KDM4B: variants seen among roughly 807,000 people sequenced by gnomAD.
KDM4B encodes the protein lysine demethylase 4B, also known as lysine-specific demethylase 4B.
KDM4B carries 32 observed loss-of-function variants against 125.2 expected under a neutral mutation model. That is an observed-to-expected ratio of 0.26 (90% CI 0.19 to 0.34). KDM4B has a LOEUF of 0.34. KDM4B is among the 10% of genes least tolerant of loss of function. The pLI is 1.00. For missense variants in KDM4B, 1,190 were observed against 1,577.7 expected, an observed-to-expected ratio of 0.75 and a Z score of 4.16; for synonymous variants, 721 against 677.9, an observed-to-expected ratio of 1.06 and a Z score of -0.99.
At chr19:5,017,105 A>G (rs1490885155) in intron 2 of KDM4B, among the ~76,000 whole-genome samples, 1 of 152,188 alleles carries the variant, frequency 6.6e-6, no homozygotes, top group Non-Finnish European at 1.5e-5. Flanking sequence ...TTCCCTGTGC[A>G]GAGGGAGGAA....
intron 18 of KDM4B, chr19:5,140,751 G>A (rs79659367): frequency 1.2e-5 from 1 of 86,302 alleles, no homozygotes; most frequent in African/African-American, 4.2e-5. Flanking sequence ...AAAAAGATGA[G>A]GAGAGCAAAA....
At chr19:5,057,641 G>A (rs764939415) in intron 6 of KDM4B, among the ~76,000 whole-genome samples, 3 of 152,152 alleles carry the variant, frequency 2.0e-5, no homozygotes, top group Admixed American at 6.5e-5. Context: ...CTGGCTCCAC[G>A]TCCTTGTTCA....
Position 5,052,294 on chromosome 19 carries a change from G to A in KDM4B, c.626+4625G>A, listed in dbSNP as rs185540077. Reference sequence around the variant, plus strand: ...TTCATGGGTGTCCCTGGAGGTGTGCGTGCATGTGTGTGTGTGCATGGGCGC... The same window carrying A: ...TTCATGGGTGTCCCTGGAGGTGTGCATGCATGTGTGTGTGTGCATGGGCGC... On this transcript the variant is annotated intron_variant, in intron 6 of 22. Transcript: ENST00000159111. Among the ~76,000 whole-genome samples the A allele has an allele frequency of 5.7e-3, 850 of 150,316 alleles. 4 individuals carry two copies. The highest frequency in any genetic ancestry group is 8.5e-3 in the Non-Finnish European group (577 of 67,726).
chr19:5,077,544 C>A, intron 8 of KDM4B, 74 bp downstream of exon 8: 1 of 1,246,894 alleles, frequency 8.0e-7, no homozygotes, highest in South Asian at 1.2e-5. Context: ...CCGCACATAC[C>A]CCAGGAGATA....
Position 5,107,343 on chromosome 19 carries a change from T to G in KDM4B, c.919-3279T>G, listed in dbSNP as rs77143779. Among the ~76,000 whole-genome samples the G allele has an allele frequency of 2.5e-4, 38 of 152,324 alleles. No individual in the cohort carries two copies. In the East Asian group the frequency reaches 7.0e-3, roughly 28 times the overall value. ...AGCCAGATTCCCCCGGATGGTGCCT[T>G]CCTTATCTGTCGCGAGTGCTGACAG... is the stretch of plus-strand genomic sequence containing the variant. On this transcript the variant is annotated intron_variant, in intron 9 of 22. Coordinates refer to ENST00000159111, the MANE Select transcript of KDM4B (RefSeq NM_015015.3).
At chr19:5,095,217 G>C (rs887718917) in intron 9 of KDM4B, among the ~76,000 whole-genome samples, 30 of 152,220 alleles carry the variant, frequency 2.0e-4, no homozygotes, top group Non-Finnish European at 3.5e-4. Context: ...GTTCCGCCCT[G>C]GTTCCTGGAT....
intron 9 of KDM4B, among the ~76,000 whole-genome samples, chr19:5,087,858 TG>T (rs1250487396): frequency 6.6e-6 from 1 of 152,194 alleles, no homozygotes; most frequent in Non-Finnish European, 1.5e-5. Context: ...ACCCTGGCTT[TG>T]GGGCTGGGAT....
chr19:5,080,256 G>A (rs2145862119), intron 8 of KDM4B, among the ~76,000 whole-genome samples: 1 of 152,356 alleles, frequency 6.6e-6, no homozygotes, highest in South Asian at 2.1e-4. Flanking sequence ...CGCCGTGGCT[G>A]GCTTCTGAAA....
chr19:4,974,868 G>T (rs762230369), intron 1 of KDM4B, among the ~76,000 whole-genome samples: 2 of 151,906 alleles, frequency 1.3e-5, no homozygotes, highest in African/African-American at 4.8e-5. Context: ...GCCCTTTCGC[G>T]TGGCCCCTTC....
intron 1 of KDM4B, among the ~76,000 whole-genome samples, chr19:5,007,366 ATCT>A (rs1245167575): frequency 1.3e-5 from 2 of 151,888 alleles, no homozygotes; most frequent in Non-Finnish European, 2.9e-5. Context: ...CTCTTTTTGT[ATCT>A]TCTTTGGAGA....
intron 1 of KDM4B, among the ~76,000 whole-genome samples, chr19:5,004,268 C>T (rs1004302418): frequency 7.2e-5 from 11 of 152,258 alleles, no homozygotes; most frequent in African/African-American, 2.2e-4. Context: ...TTCCACACGC[C>T]GGCCCCTGGC....
chr19:5,134,082 G>A (rs779313423), intron 14 of KDM4B, 21 bp downstream of exon 14: 6 of 1,570,900 alleles, frequency 3.8e-6, no homozygotes, highest in Non-Finnish European at 5.2e-6. Flanking sequence ...GGGCCTCACG[G>A]GTCCCAGAGA....
intron 6 of KDM4B, among the ~76,000 whole-genome samples, chr19:5,056,788 A>G (rs1156702481): frequency 6.6e-6 from 1 of 150,486 alleles, no homozygotes; most frequent in South Asian, 2.1e-4. Context: ...GGCATGTGTC[A>G]CTCGAGGAGT....
chr19:5,034,019 A>G lies in KDM4B; in HGVS notation c.141+988A>G, dbSNP rs536568731. ...GGTGTTGGTACATGTCTGTGGTCCC[A>G]GCTACTCGGGAGGCTGAGGCGGGAG... On this transcript the variant is annotated intron_variant, in intron 3 of 22. Coordinates refer to ENST00000159111, the MANE Select transcript of KDM4B (RefSeq NM_015015.3). Among the ~76,000 whole-genome samples the G allele has an allele frequency of 1.1e-4, 16 of 152,338 alleles. No individual in the cohort carries two copies. The East Asian group carries it at 1.3e-3, about 13-fold the overall frequency.
At position 5,065,277 on chromosome 19, in the gene KDM4B, G is replaced by A. The variant is rs556604979; in HGVS notation, c.627-5733G>A. ...GCCTGGGCCGTGTGACCCCAAGCCCGTCTGCTCACCGTCATCGTAGCTAAG... is the reference window on the plus strand; with the variant it reads ...GCCTGGGCCGTGTGACCCCAAGCCCATCTGCTCACCGTCATCGTAGCTAAG... On this transcript the variant is annotated intron_variant, in intron 6 of 22. Coordinates refer to ENST00000159111, the MANE Select transcript of KDM4B (RefSeq NM_015015.3). 5.3e-5 allele frequency among the ~76,000 whole-genome samples: 8 copies of A among 152,352 alleles called. No homozygotes were observed. In the South Asian group the frequency reaches 1.4e-3, roughly 28 times the overall value.
chr19:5,105,763 T>C (rs1428066414), intron 9 of KDM4B, among the ~76,000 whole-genome samples: 1 of 152,232 alleles, frequency 6.6e-6, no homozygotes, highest in East Asian at 1.9e-4. Flanking sequence ...AAGGACCTGA[T>C]AGTGACTGTT....
chr19:5,048,602 AG>A (rs990737145), intron 6 of KDM4B, among the ~76,000 whole-genome samples: 3 of 81,482 alleles, frequency 3.7e-5, no homozygotes, highest in Non-Finnish European at 5.5e-5. Flanking sequence ...AAGCGGGGAG[AG>A]GGGGGGGCGG....
At chr19:5,017,803 T>G (rs191343299) in intron 2 of KDM4B, among the ~76,000 whole-genome samples, 1 of 152,010 alleles carries the variant, frequency 6.6e-6, no homozygotes, top group South Asian at 2.1e-4. Context: ...TGCAGTGGCG[T>G]GATCTCAGCT....
At chr19:4,974,977 C>T (rs1185255272) in intron 1 of KDM4B, among the ~76,000 whole-genome samples, 2 of 152,100 alleles carry the variant, frequency 1.3e-5, no homozygotes, top group Admixed American at 6.6e-5. Context: ...GCCCGCCCTT[C>T]CCTGCCGCAG....
Sources: gnomAD v4.1 joint callset for allele counts (sites outside exome capture counted in the v4.1 genomes callset) on GRCh38, gnomAD v4.1.1 for gene constraint, MANE v1.5 for transcripts, NCBI Gene and HGNC (gene_info 2026-07-23, HGNC 2026-07-21) for gene names.